CHL1: variants seen among roughly 807,000 people sequenced by gnomAD.
CHL1 encodes the protein neural cell adhesion molecule L1-like protein.
CHL1 carries 96 observed loss-of-function variants against 141.9 expected under a neutral mutation model. The observed-to-expected ratio is 0.68, with a 90% confidence interval of 0.57 to 0.80. The LOEUF (loss-of-function observed/expected upper bound fraction) is 0.80. Among genes scored for constraint, CHL1 ranks in the 30% least tolerant of loss-of-function variants. The pLI is 0.00. For synonymous variants in CHL1, 613 were observed against 502.2 expected (o/e 1.22, Z -2.95); for missense variants, 1,820 against 1,457.2 (o/e 1.25, Z -4.05).
chr3:247,846 TG>T (rs1426092336), intron 2 of CHL1: 1 of 152,122 alleles, frequency 6.6e-6, no homozygotes, highest in African/African-American at 2.4e-5. Flanking sequence ...GCTAGAACAT[TG>T]TGCATAAATA....
chr3:391,245 T>G (rs1173719197), intron 22 of CHL1, 86 bp downstream of exon 22: 1 of 1,087,006 alleles, frequency 9.2e-7, no homozygotes, highest in Non-Finnish European at 1.4e-6. Flanking sequence ...CCAGGCACAG[T>G]GGCTCATGCC....
intron 6 of CHL1, 65 bp from the exon 7 acceptor site, chr3:341,846 GA>G: frequency 7.8e-7 from 1 of 1,274,246 alleles, no homozygotes; most frequent in Non-Finnish European, 1.1e-6. Context: ...AAAAGAAAAT[GA>G]AAAAGGAAGA....
chr3:198,367 A>G (rs1698592641), intron 1 of CHL1, among the ~76,000 whole-genome samples: 1 of 151,590 alleles, frequency 6.6e-6, no homozygotes, highest in African/African-American at 2.4e-5. Context: ...TCCCGCGGGA[A>G]CGCGCCGTGC....
At position 377,797 on chromosome 3, in the gene CHL1, TACTC is replaced by T. The variant is rs1432281951; in HGVS notation, c.1752-17_1752-14del. The T allele has an allele frequency of 6.3e-7, 1 of 1,586,270 alleles. No individual in the cohort carries two copies. The highest frequency in any genetic ancestry group is 8.6e-7 in the Non-Finnish European group (1 of 1,161,104). On this transcript the variant is annotated splice_polypyrimidine_tract_variant and intron_variant, in intron 15 of 27. Transcript: ENST00000256509. ...TTCTATTGTTTTCCTTCTCATCATG[TACTC>T]ACTTTTTTTCTGATAGGATAATTAT...
At chr3:220,345 T>C (rs1266634600) in intron 1 of CHL1, among the ~76,000 whole-genome samples, 1 of 152,190 alleles carries the variant, frequency 6.6e-6, no homozygotes, top group Non-Finnish European at 1.5e-5. Flanking sequence ...GGTATGCACC[T>C]GTAGTTCCAG....
At chr3:286,764 A>C (rs996230549) in intron 2 of CHL1, among the ~76,000 whole-genome samples, 7 of 152,206 alleles carry the variant, frequency 4.6e-5, no homozygotes, top group African/African-American at 1.7e-4. Flanking sequence ...ATGATTTTCC[A>C]GGAAAGCGGT....
chr3:281,937 T>TAATC (rs1696698813), intron 2 of CHL1, among the ~76,000 whole-genome samples: 1 of 152,250 alleles, frequency 6.6e-6, no homozygotes, highest in Admixed American at 6.5e-5. Context: ...AGATACGACA[T>TAATC]AATCATATCA....
At chr3:281,858 C>G (rs538693712) in intron 2 of CHL1, among the ~76,000 whole-genome samples, 1 of 152,224 alleles carries the variant, frequency 6.6e-6, no homozygotes, top group East Asian at 1.9e-4. Context: ...CCATGCCCAG[C>G]CTATTTCTTT....
intron 26 of CHL1, among the ~76,000 whole-genome samples, chr3:400,327 T>C (rs2106422577): frequency 6.6e-6 from 1 of 152,338 alleles, no homozygotes. Context: ...TGAATGATTA[T>C]GAATTAAGTT....
intron 5 of CHL1, among the ~76,000 whole-genome samples, chr3:337,565 G>C (rs1575103994): frequency 7.3e-6 from 1 of 137,286 alleles, no homozygotes; most frequent in Non-Finnish European, 1.5e-5. Context: ...CCCTTCCTAT[G>C]TCCAAGTGTT....
chr3:313,509 G>A (rs1242277099), intron 2 of CHL1, among the ~76,000 whole-genome samples: 1 of 152,050 alleles, frequency 6.6e-6, no homozygotes, highest in Non-Finnish European at 1.5e-5. Flanking sequence ...AGCCATTAGA[G>A]AACCATAGTG....
rs1349822139 is a variant in CHL1 at position 389,428 on chromosome 3, A to G, written c.2424A>G (p.Gly808=). ...DVKVQAINQL[G]SGPDPQSVTL... ...AGGTCCAGGCTATCAATCAACTAGG[A>G]TCTGGGCCTGACCCTCAGTCAGTGA... The change falls in exon 20 of 28, where the codon GGA becomes GGG. Residue 808 remains glycine (G), a synonymous_variant. Transcript: ENST00000256509. 1.5e-5 allele frequency: 24 copies of G among 1,614,046 alleles called. No homozygotes were observed. The highest frequency in any genetic ancestry group is 2.7e-5 in the African/African-American group (2 of 74,898).
At chr3:345,966 A>G (rs944796452) in intron 9 of CHL1, among the ~76,000 whole-genome samples, 6 of 152,066 alleles carry the variant, frequency 3.9e-5, no homozygotes, top group African/African-American at 1.4e-4. Context: ...GTCCTTCCCT[A>G]CCATTGAGGA....
chr3:374,620 A>C (rs1221993178), intron 15 of CHL1, among the ~76,000 whole-genome samples: 4 of 152,320 alleles, frequency 2.6e-5, no homozygotes, highest in African/African-American at 9.6e-5. Context: ...TGAGCAAGTG[A>C]CACAGATGTT....
chr3:224,104 A>C (rs1370644445), intron 1 of CHL1, among the ~76,000 whole-genome samples: 1 of 152,152 alleles, frequency 6.6e-6, no homozygotes, highest in Non-Finnish European at 1.5e-5. Context: ...CCTACATCCT[A>C]ATAGAGTTCA....
At chr3:226,658 A>G (rs11714222) in intron 1 of CHL1, among the ~76,000 whole-genome samples, 124,616 of 151,690 alleles carry the variant, frequency 0.82, 52,063 homozygotes, top group Non-Finnish European at 0.91. Context: ...TGTTGGCCAG[A>G]CTGTTCTTGA....
intron 2 of CHL1, among the ~76,000 whole-genome samples, chr3:278,350 C>T (rs1357711390): frequency 6.6e-6 from 1 of 152,196 alleles, no homozygotes; most frequent in Admixed American, 6.5e-5. Context: ...TCCCCACAAT[C>T]CCCATTGCGC....
chr3:348,749 C>T (rs1702978500), intron 9 of CHL1, among the ~76,000 whole-genome samples: 1 of 152,204 alleles, frequency 6.6e-6, no homozygotes, highest in African/African-American at 2.4e-5. Context: ...TCCTCTGCTT[C>T]CCGACAAGGG....
intron 16 of CHL1, among the ~76,000 whole-genome samples, chr3:379,909 G>A (rs1292020778): frequency 6.6e-6 from 1 of 152,018 alleles, no homozygotes. Flanking sequence ...AAAAGACTAT[G>A]TTTTACCCCC....
Sources: gnomAD v4.1 joint callset for allele counts (sites outside exome capture counted in the v4.1 genomes callset) on GRCh38, gnomAD v4.1.1 for gene constraint, MANE v1.5 for transcripts, NCBI Gene and HGNC (gene_info 2026-07-23, HGNC 2026-07-21) for gene names.